The following GALP variants were observed in gnomAD, a reference collection of about 807,000 sequenced individuals.
The protein encoded by GALP is galanin like peptide, also known as galanin-like peptide.
GALP carries 12 observed loss-of-function variants against 15.2 expected under a neutral mutation model. That is an observed-to-expected ratio of 0.79 (90% CI 0.51 to 1.28). GALP has a LOEUF of 1.28. GALP is among the 50% of genes most tolerant of loss of function. The pLI is 0.00. For synonymous variants in GALP, 58 were observed against 55.1 expected (o/e 1.05, Z -0.23); for missense variants, 161 against 145.6 (o/e 1.11, Z -0.55).
intron 3 of GALP, 48 bp from the exon 4 acceptor site, chr19:56,182,124 G>T: frequency 7.5e-7 from 1 of 1,337,556 alleles, no homozygotes; most frequent in East Asian, 2.3e-5. Flanking sequence ...TGTTTCTTCA[G>T]TTCTACTTAA....
At chr19:56,183,680 C>T (rs1041010898) in intron 5 of GALP, among the ~76,000 whole-genome samples, 1 of 152,218 alleles carries the variant, frequency 6.6e-6, no homozygotes, top group Non-Finnish European at 1.5e-5. Flanking sequence ...TGACTGCAAC[C>T]TCCACCTTCC....
chr19:56,183,734 A>G (rs538249883), intron 5 of GALP, among the ~76,000 whole-genome samples: 17 of 152,202 alleles, frequency 1.1e-4, no homozygotes, highest in South Asian at 6.2e-4. Context: ...AGTAGCTGGG[A>G]TTACAGGCAC....
chr19:56,180,907 CTTTCTTTCTTTT>C (rs1293088795), intron 3 of GALP, among the ~76,000 whole-genome samples: 3 of 83,722 alleles, frequency 3.6e-5, no homozygotes, highest in African/African-American at 1.5e-4. Flanking sequence ...TTCTTTCTTT[CTTTCTTTCTTTT>C]TTTTTTTTTT....
At chr19:56,181,089 G>T (rs1468926415) in intron 3 of GALP, among the ~76,000 whole-genome samples, 1 of 151,332 alleles carries the variant, frequency 6.6e-6, no homozygotes, top group Non-Finnish European at 1.5e-5. Flanking sequence ...CAGCACGCCC[G>T]GCTAATTTTT....
intron 5 of GALP, among the ~76,000 whole-genome samples, chr19:56,184,493 T>TC: frequency 6.9e-6 from 1 of 145,360 alleles, no homozygotes; most frequent in East Asian, 2.0e-4. Flanking sequence ...TCTTTTTTTT[T>TC]TTTTTTTTGA....
intron 1 of GALP, 148 bp from the exon 2 acceptor site, chr19:56,176,922 C>T (rs948188968): frequency 3.4e-6 from 2 of 581,320 alleles, no homozygotes; most frequent in Non-Finnish European, 6.2e-6. Flanking sequence ...TGCACACGTC[C>T]AAACTCCTCA....
At position 56,185,465 on chromosome 19, in the gene GALP, C is replaced by T. The variant is rs1253226889; in HGVS notation, c.*195C>T. 6.2e-6 allele frequency: 3 copies of T among 485,402 alleles called. No individual in the cohort carries two copies. Among genetic ancestry groups the T allele is most frequent in the African/African-American group, 6.1e-5 (3 of 49,530 alleles). 30.1% of individuals were successfully genotyped at this position (485,402 alleles called of 1,614,324 possible). A position where few individuals can be genotyped will look rare whatever the true frequency, so the allele number is the denominator to read the frequency against. On this transcript the variant is annotated 3_prime_UTR_variant, in exon 6 of 6. Coordinates refer to ENST00000357330, the MANE Select transcript of GALP (RefSeq NM_033106.4). ...GGTTTTATTGATTCATCCTTGAAAT[C>T]AGTATAATGTGCTATTAATGGAACC... is the stretch of plus-strand genomic sequence containing the variant.
At chr19:56,182,021 C>G (rs563707497) in intron 3 of GALP, 151 bp from the exon 4 acceptor site, 15 of 629,686 alleles carry the variant, frequency 2.4e-5, no homozygotes, top group Non-Finnish European at 3.2e-5. Flanking sequence ...ATTTCCCCAC[C>G]GGTAGGTAGG....
chr19:56,180,003 C>T (rs779338921), intron 2 of GALP, among the ~76,000 whole-genome samples: 1 of 152,132 alleles, frequency 6.6e-6, no homozygotes, highest in Non-Finnish European at 1.5e-5. Flanking sequence ...TCTTGAACTC[C>T]TGACCTCAGG....
intron 4 of GALP, 96 bp downstream of exon 4, chr19:56,182,348 C>T (rs2032581722): frequency 7.1e-6 from 6 of 849,840 alleles, no homozygotes; most frequent in Non-Finnish European, 1.1e-5. Flanking sequence ...CCAGCCCTCA[C>T]CCTGCCGCTT....
chr19:56,185,269 A>G lies in GALP; in HGVS notation c.350A>G (p.Ter117TrpextTer32). The change falls in exon 6 of 6, where the codon TAG becomes TGG. Residue 117 changes from the stop codon to tryptophan, a stop_lost. Transcript: ENST00000357330. ...IPKEEDVLKS[*>W] ...AAGGAGGAAGATGTCCTGAAGTCAT[A>G]GATGTCTTCAAATCCCTGTTCCTAT... The G allele has an allele frequency of 6.3e-7, 1 of 1,586,040 alleles. No homozygotes were observed. The highest frequency in any genetic ancestry group is 8.7e-7 in the Non-Finnish European group (1 of 1,155,256).
rs573351326 is a variant in GALP at position 56,177,666 on chromosome 19, C to G, written c.87+471C>G. ...CCACGGCACCCAGTCTGGGACGACA[C>G]TTTGAAAACCTTTGATCACACACCT... On this transcript the variant is annotated intron_variant, in intron 2 of 5. Coordinates refer to ENST00000357330, the MANE Select transcript of GALP (RefSeq NM_033106.4). Among the ~76,000 whole-genome samples the G allele has an allele frequency of 8.5e-5, 13 of 152,244 alleles. No homozygotes were observed. The South Asian group carries it at 1.9e-3, about 22-fold the overall frequency.
intron 2 of GALP, among the ~76,000 whole-genome samples, chr19:56,180,261 T>C (rs2032540684): frequency 6.6e-6 from 1 of 152,180 alleles, no homozygotes; most frequent in African/African-American, 2.4e-5. Flanking sequence ...GTGGGCACGA[T>C]GTTGTGCCAT....
chr19:56,183,207 T>G lies in GALP; in HGVS notation c.290T>G (p.Ile97Ser), dbSNP rs371443019. Reference protein sequence around the residue: ...NVMETFAKPEIGDLGMLSMKI... With the variant: ...NVMETFAKPESGDLGMLSMKI... ...ATGGAGACGTTTGCCAAACCAGAGATTGGAGGTAAAGCCAGGAAACACAGA... is the reference window on the plus strand; with the variant it reads ...ATGGAGACGTTTGCCAAACCAGAGAGTGGAGGTAAAGCCAGGAAACACAGA... The change falls in exon 5 of 6, where the codon ATT becomes AGT. Residue 97 changes from isoleucine to serine, a missense_variant. Coordinates refer to ENST00000357330, the MANE Select transcript of GALP (RefSeq NM_033106.4). 2 of 1,612,680 alleles carry G rather than the reference T, an allele frequency of 1.2e-6. No individual in the cohort carries two copies. Among genetic ancestry groups the G allele is most frequent in the Non-Finnish European group, 1.7e-6 (2 of 1,178,988 alleles).
Position 56,180,575 on chromosome 19 carries a change from T to C in GALP, c.88-11T>C. 1.2e-6 allele frequency: 2 copies of C among 1,613,364 alleles called. No individual in the cohort carries two copies. The highest frequency in any genetic ancestry group is 1.7e-5 in the Admixed American group (1 of 59,992). On this transcript the variant is annotated splice_polypyrimidine_tract_variant and intron_variant, in intron 2 of 5. Coordinates refer to ENST00000357330, the MANE Select transcript of GALP (RefSeq NM_033106.4). ...GTCTGCTTGAGTCTTGATTTCTGCATCTCTATCCAGGGACGAGGAGGCTGG... is the reference window on the plus strand; with the variant it reads ...GTCTGCTTGAGTCTTGATTTCTGCACCTCTATCCAGGGACGAGGAGGCTGG...
In GALP at chr19:56,184,046, C is replaced by G. The variant is rs147532738; in HGVS notation, c.295+834C>G. The stretch of plus-strand genomic sequence containing the variant: ...TCTTGGCTCACTGCAACCTCTGCCT[C>G]CTGCATTCAAGCGATTCTCCTGCCT... On this transcript the variant is annotated intron_variant, in intron 5 of 5. Transcript: ENST00000357330. Among the ~76,000 whole-genome samples the G allele has an allele frequency of 5.2e-3, 783 of 150,080 alleles. 4 individuals are homozygous for G. The highest frequency in any genetic ancestry group is 9.2e-3 in the Non-Finnish European group (622 of 67,464).
chr19:56,182,720 A>T (rs2032587667), intron 4 of GALP, among the ~76,000 whole-genome samples: 1 of 152,098 alleles, frequency 6.6e-6, no homozygotes, highest in African/African-American at 2.4e-5. Flanking sequence ...CACCACACCC[A>T]GCAAATTTTG....
intron 2 of GALP, among the ~76,000 whole-genome samples, chr19:56,177,953 GT>G (rs1237713300): frequency 3.3e-5 from 5 of 152,070 alleles, no homozygotes. Flanking sequence ...TAGATCTCTG[GT>G]ACAGCATGGT....
intron 4 of GALP, 57 bp downstream of exon 4, chr19:56,182,309 C>T (rs2032581011): frequency 1.5e-6 from 2 of 1,347,444 alleles, no homozygotes; most frequent in Non-Finnish European, 2.1e-6. Flanking sequence ...GGGCTCTCTC[C>T]TGGCTTTGGA....
Sources: allele counts gnomAD v4.1 joint callset (sites outside exome capture counted in the v4.1 genomes callset), GRCh38; gene constraint gnomAD v4.1.1; transcripts MANE v1.5; gene names NCBI Gene and HGNC (gene_info 2026-07-23, HGNC 2026-07-21).